The following CACNG7 variants were observed in gnomAD, a reference collection of about 807,000 sequenced individuals.
The protein encoded by CACNG7 is calcium voltage-gated channel auxiliary subunit gamma 7.
A neutral mutation model predicts 26.3 loss-of-function variants in CACNG7; 9 were observed. The observed-to-expected ratio is 0.34, with a 90% CI of 0.21 to 0.60. The LOEUF is 0.60. Ranked by LOEUF, CACNG7 falls within the 20% of genes least tolerant of loss-of-function variation. CACNG7 has a pLI of 0.81. For missense variants in CACNG7, 297 were observed against 380.4 expected (o/e 0.78, Z 1.82); for synonymous variants, 170 against 157.0 (o/e 1.08, Z -0.62).
chr19:53,921,189 TC>T (rs1351881658), intron 4 of CACNG7, among the ~76,000 whole-genome samples: 1 of 53,970 alleles, frequency 1.9e-5, no homozygotes, highest in African/African-American at 1.2e-4. Flanking sequence ...CCCAGGCTGG[TC>T]ATTGGTGGAG....
At chr19:53,915,640 C>G in intron 4 of CACNG7, 135 bp downstream of exon 4, 1 of 1,002,548 alleles carries the variant, frequency 1.0e-6, no homozygotes, top group East Asian at 2.6e-5. Context: ...CACTTTCCTT[C>G]TATGTGCAAT....
Position 53,919,471 on chromosome 19 carries a change from G to A in CACNG7, c.424+3966G>A, listed in dbSNP as rs538760469. Among the ~76,000 whole-genome samples, 9 of 150,738 alleles carry A rather than the reference G, an allele frequency of 6.0e-5. No individual in the cohort carries two copies. The East Asian group carries it at 1.6e-3, about 26-fold the overall frequency. The stretch of plus-strand genomic sequence containing the variant: ...AGTTGCCCCAGGCTGGTCATTGGTG[G>A]ACTTGCCCCAGGTCTGGTCATTGGT... On this transcript the variant is annotated intron_variant, in intron 4 of 5. Coordinates refer to ENST00000391767, the MANE Select transcript of CACNG7 (RefSeq NM_031896.5).
At chr19:53,910,388 G>A (rs765738046) in intron 1 of CACNG7, among the ~76,000 whole-genome samples, 29 of 152,012 alleles carry the variant, frequency 1.9e-4, no homozygotes, top group Admixed American at 1.9e-3. Flanking sequence ...GGGATCTGGA[G>A]GCTGGGAGTG....
intron 4 of CACNG7, among the ~76,000 whole-genome samples, chr19:53,938,600 G>A (rs191968158): frequency 6.1e-4 from 93 of 152,278 alleles, no homozygotes; most frequent in African/African-American, 2.1e-3. Flanking sequence ...GGGTGTGGCT[G>A]TGTTCCACTA....
In CACNG7 at chr19:53,942,052, C is replaced by T; in HGVS notation, c.587C>T (p.Ser196Phe). The T allele has an allele frequency of 6.2e-7, 1 of 1,609,760 alleles. No individual in the cohort carries two copies. The highest frequency in any genetic ancestry group is 8.5e-7 in the Non-Finnish European group (1 of 1,177,380). The change falls in exon 6 of 6, where the codon TCC becomes TTC. Residue 196 changes from serine (S) to phenylalanine (F), a missense_variant. Physicochemically the swap from Ser to Phe is radical, Grantham distance 155. Transcript: ENST00000391767. This position sits in a 1 kb window ranked among gnomAD's most constrained non-coding sequence, Gnocchi z 5.9. Reference sequence around the variant, plus strand: ...TTGCCGCAGGGGGCCGGCGTGATGTCCGTGTACCTGTTCACCAAGCGCTAC... The same window carrying T: ...TTGCCGCAGGGGGCCGGCGTGATGTTCGTGTACCTGTTCACCAAGCGCTAC... Reference protein sequence around the residue: ...FLLKEGAGVMSVYLFTKRYAE... With the variant: ...FLLKEGAGVMFVYLFTKRYAE...
intron 1 of CACNG7, among the ~76,000 whole-genome samples, chr19:53,910,340 A>G (rs2068854653): frequency 7.9e-6 from 1 of 127,086 alleles, no homozygotes; most frequent in Non-Finnish European, 1.6e-5. Context: ...CTGACTCCGG[A>G]TCTCGGAGGC....
At chr19:53,927,238 A>G (rs2069038121) in intron 4 of CACNG7, among the ~76,000 whole-genome samples, 2 of 152,146 alleles carry the variant, frequency 1.3e-5, no homozygotes, top group Admixed American at 1.3e-4. Flanking sequence ...GACCTTTTCA[A>G]ACATGTTCTT....
chr19:53,918,873 A>G (rs1237610393), intron 4 of CACNG7, among the ~76,000 whole-genome samples: 2 of 152,042 alleles, frequency 1.3e-5, no homozygotes, highest in Non-Finnish European at 2.9e-5. Flanking sequence ...GGTTCAAGCG[A>G]TTCTCCTGCC....
intron 4 of CACNG7, among the ~76,000 whole-genome samples, chr19:53,919,219 G>A (rs927381934): frequency 2.0e-5 from 3 of 152,188 alleles, no homozygotes; most frequent in African/African-American, 7.2e-5. Flanking sequence ...GACAGAAATA[G>A]TACCAATGCC....
chr19:53,941,985 C>T (rs762300544), intron 5 of CACNG7, 51 bp from the exon 6 acceptor site: 4 of 1,517,222 alleles, frequency 2.6e-6, no homozygotes, highest in Non-Finnish European at 1.8e-6. Context: ...AGTCGGGGTC[C>T]GGGGATGCGC....
chr19:53,923,266 C>A (rs551165980), intron 4 of CACNG7, among the ~76,000 whole-genome samples: 48 of 84,394 alleles, frequency 5.7e-4, no homozygotes, highest in Non-Finnish European at 8.7e-4. Flanking sequence ...CAGGTCTGGT[C>A]ATTGGTGCAG....
chr19:53,923,408 G>C (rs1599981696), intron 4 of CACNG7, among the ~76,000 whole-genome samples: 3 of 141,402 alleles, frequency 2.1e-5, no homozygotes, highest in African/African-American at 8.0e-5. Flanking sequence ...GGTATTGGTG[G>C]AGTTGTCCCC....
At chr19:53,918,276 T>C (rs2068911280) in intron 4 of CACNG7, among the ~76,000 whole-genome samples, 2 of 152,138 alleles carry the variant, frequency 1.3e-5, no homozygotes, top group Non-Finnish European at 1.5e-5. Flanking sequence ...AGATAGCAAA[T>C]ATTTTAGGCT....
At chr19:53,924,420 C>T (rs2069003587) in intron 4 of CACNG7, among the ~76,000 whole-genome samples, 1 of 150,132 alleles carries the variant, frequency 6.7e-6, no homozygotes, top group Non-Finnish European at 1.5e-5. Flanking sequence ...GTGGAGTTGC[C>T]CCAGGTCTGG....
chr19:53,929,094 A>C (rs2069053433), intron 4 of CACNG7, among the ~76,000 whole-genome samples: 1 of 132,696 alleles, frequency 7.5e-6, no homozygotes, highest in Non-Finnish European at 1.5e-5. Flanking sequence ...CCTGGGTGAC[A>C]CAGTGAGACT....
At chr19:53,915,935 A>C (rs1206291235) in intron 4 of CACNG7, among the ~76,000 whole-genome samples, 1 of 152,174 alleles carries the variant, frequency 6.6e-6, no homozygotes, top group African/African-American at 2.4e-5. Flanking sequence ...TGCAATTAAC[A>C]GTTTACAAGG....
At chr19:53,930,068 A>T (rs1031984563) in intron 4 of CACNG7, among the ~76,000 whole-genome samples, 4 of 123,796 alleles carry the variant, frequency 3.2e-5, no homozygotes, top group African/African-American at 1.4e-4. Flanking sequence ...ATGGTGCTAC[A>T]TGCTACAAAA....
chr19:53,915,226 T>G, intron 3 of CACNG7, 139 bp from the exon 4 acceptor site: 1 of 640,550 alleles, frequency 1.6e-6, no homozygotes, highest in Admixed American at 2.5e-5. Context: ...GAAGAGTCAG[T>G]GGGGAAGGGG....
rs1360776773 is a variant in CACNG7, at chr19:53,915,005, C to CAAAA, written c.284-352_284-349dup. On this transcript the variant is annotated intron_variant, in intron 3 of 5. Transcript: ENST00000391767. ...CAACTCACAGAGTGAGACTCTGTCTCAAAAAAAAAAATAAATAAAAGGAAG... is the reference window on the plus strand; with the variant it reads ...CAACTCACAGAGTGAGACTCTGTCTCAAAAAAAAAAAAAAATAAATAAAAGGAAG... Among the ~76,000 whole-genome samples the CAAAA allele has an allele frequency of 2.8e-3, 333 of 118,206 alleles. 3 individuals are homozygous for CAAAA. The highest frequency in any genetic ancestry group is 0.015 in the Middle Eastern group (3 of 200). The allele number at this position is 118,206 out of a possible 152,430, so 77.5% of individuals were successfully genotyped here.
Sources: allele counts gnomAD v4.1 joint callset (sites outside exome capture counted in the v4.1 genomes callset), GRCh38; gene constraint gnomAD v4.1.1; non-coding constraint Gnocchi (gnomAD v3.1); transcripts MANE v1.5; gene names NCBI Gene and HGNC (gene_info 2026-07-23, HGNC 2026-07-21).